UTRN: variants seen among roughly 807,000 people sequenced by gnomAD.
UTRN encodes the protein dystrophin-related protein 1.
UTRN carries 283 observed loss-of-function variants against 463.9 expected under a neutral mutation model. The observed-to-expected ratio is 0.61, with a 90% CI of 0.55 to 0.67. The LOEUF is 0.67. Among genes scored for constraint, UTRN ranks in the 30% least tolerant of loss-of-function variants. The pLI is 0.00. For missense variants in UTRN, 3,922 were observed against 4,084.3 expected (o/e 0.96, Z 1.08); for synonymous variants, 1,442 against 1,431.5 (o/e 1.01, Z -0.17).
At chr6:144,827,435 C>G in intron 67 of UTRN, 49 bp downstream of exon 67, 1 of 1,611,036 alleles carries the variant, frequency 6.2e-7, no homozygotes, top group Admixed American at 1.7e-5. Context: ...ATCAGTGGTA[C>G]TAGCATGGGG....
At position 144,438,863 on chromosome 6, in the gene UTRN, A is replaced by T; in HGVS notation, c.1360A>T (p.Lys454Ter). ...METCPLDDDV[K>*]SLQKLLEEHK... ...AACTTGCCCCCTGGATGATGATGTA[A>T]AATCTCTACAAAAGCTGCTAGAAGA... The change falls in exon 12 of 75, where the codon AAA (lysine) becomes TAA (stop). Residue 454 changes from lysine (K) to a stop codon, truncating the protein, a stop_gained. Transcript: ENST00000367545. LOFTEE classifies it high-confidence loss of function. 6.2e-7 allele frequency: 1 copy of T among 1,614,204 alleles called. No individual in the cohort carries two copies. Among genetic ancestry groups the T allele is most frequent in the Non-Finnish European group, 8.5e-7 (1 of 1,180,026 alleles).
At chr6:144,417,223 A>G (rs1374713709) in intron 3 of UTRN, among the ~76,000 whole-genome samples, 1 of 152,128 alleles carries the variant, frequency 6.6e-6, no homozygotes, top group Non-Finnish European at 1.5e-5. Context: ...CAGTGATTAA[A>G]TATTTTTTTC....
intron 3 of UTRN, among the ~76,000 whole-genome samples, chr6:144,403,836 G>A (rs1331855027): frequency 6.6e-6 from 1 of 152,166 alleles, no homozygotes; most frequent in Non-Finnish European, 1.5e-5. Flanking sequence ...ATTGGTGTTG[G>A]AATTTTGTGC....
intron 3 of UTRN, among the ~76,000 whole-genome samples, chr6:144,408,235 C>T (rs1030682081): frequency 2.6e-5 from 4 of 152,234 alleles, no homozygotes; most frequent in Admixed American, 1.3e-4. Context: ...TCATTAAGCC[C>T]GCGTTCTTCC....
chr6:144,345,988 G>A (rs971894528), intron 2 of UTRN, among the ~76,000 whole-genome samples: 1 of 151,964 alleles, frequency 6.6e-6, no homozygotes, highest in African/African-American at 2.4e-5. Flanking sequence ...GACCAGCCTG[G>A]CCAACATGGT....
At chr6:144,737,832 T>A (rs1473607824) in intron 54 of UTRN, among the ~76,000 whole-genome samples, 1 of 106,508 alleles carries the variant, frequency 9.4e-6, no homozygotes, top group Non-Finnish European at 1.8e-5. Flanking sequence ...TTGAACTGTT[T>A]TTTTTTTTTA....
At chr6:144,745,361 G>A (rs1417747039) in intron 54 of UTRN, among the ~76,000 whole-genome samples, 1 of 150,746 alleles carries the variant, frequency 6.6e-6, no homozygotes, top group Non-Finnish European at 1.5e-5. Context: ...TATTTCACAT[G>A]TCGCTTCTTC....
intron 54 of UTRN, among the ~76,000 whole-genome samples, chr6:144,742,141 T>A (rs1461629004): frequency 6.6e-6 from 1 of 152,216 alleles, no homozygotes; most frequent in Non-Finnish European, 1.5e-5. Flanking sequence ...GATGAATCTA[T>A]GCCATCTTTA....
chr6:144,450,902 G>A lies in UTRN; in HGVS notation c.2073-468G>A, dbSNP rs139801996. ...ACAGCACTTTGGGAGGCCAAGGCGG[G>A]CCGATCATGAGGTCAGCCTGGCCAA... On this transcript the variant is annotated intron_variant, in intron 17 of 74. Transcript: ENST00000367545. Among the ~76,000 whole-genome samples, 1,197 of 152,250 alleles carry A rather than the reference G, an allele frequency of 7.9e-3. 14 individuals are homozygous for A. Among genetic ancestry groups the A allele is most frequent in the Non-Finnish European group, 0.014 (959 of 68,012 alleles).
At chr6:144,344,233 C>T (rs1417288493) in intron 2 of UTRN, 18 of 1,304,004 alleles carry the variant, frequency 1.4e-5, no homozygotes, top group East Asian at 5.5e-5. Flanking sequence ...GCAGCCACCA[C>T]GTTTCATTGG....
chr6:144,828,002 T>C (rs1310495648), intron 68 of UTRN, among the ~76,000 whole-genome samples: 2 of 152,160 alleles, frequency 1.3e-5, no homozygotes, highest in Non-Finnish European at 2.9e-5. Context: ...TCTCAGGAGA[T>C]GGTGCACATG....
chr6:144,541,166 A>G (rs780609362), intron 45 of UTRN, among the ~76,000 whole-genome samples: 14 of 152,144 alleles, frequency 9.2e-5, no homozygotes, highest in East Asian at 1.9e-4. Flanking sequence ...AAGTCCACCA[A>G]TGGTTTTCTA....
intron 18 of UTRN, among the ~76,000 whole-genome samples, chr6:144,453,312 G>A (rs1195606035): frequency 6.6e-6 from 1 of 151,988 alleles, no homozygotes; most frequent in Non-Finnish European, 1.5e-5. Context: ...TAGTAGAGTT[G>A]GGGTTTCACC....
At chr6:144,480,195 T>TGAGCCCATGAGGGCCCATGAGAC (rs1791703447) in intron 26 of UTRN, among the ~76,000 whole-genome samples, 1 of 152,168 alleles carries the variant, frequency 6.6e-6, no homozygotes, top group Non-Finnish European at 1.5e-5. Context: ...GCCCATGAGT[T>TGAGCCCATGAGGGCCCATGAGAC]GAGTCCATGA....
chr6:144,477,602 G>A (rs1791368307), intron 25 of UTRN, among the ~76,000 whole-genome samples: 1 of 151,148 alleles, frequency 6.6e-6, no homozygotes, highest in Non-Finnish European at 1.5e-5. Flanking sequence ...ACAGTAAGTT[G>A]AAAACATCAT....
chr6:144,508,457 G>T (rs901021673), intron 34 of UTRN, among the ~76,000 whole-genome samples: 2 of 152,134 alleles, frequency 1.3e-5, no homozygotes, highest in African/African-American at 4.8e-5. Context: ...GGATAGCACC[G>T]TACCTCACGG....
intron 51 of UTRN, among the ~76,000 whole-genome samples, chr6:144,589,000 G>C (rs976791394): frequency 3.9e-5 from 6 of 152,128 alleles, no homozygotes; most frequent in African/African-American, 1.4e-4. Context: ...CTTCTAGTTT[G>C]TTCAGTTCTG....
At chr6:144,287,264 T>G (rs1803779209) in intron 1 of UTRN, among the ~76,000 whole-genome samples, 1 of 152,180 alleles carries the variant, frequency 6.6e-6, no homozygotes, top group Non-Finnish European at 1.5e-5. Context: ...ATGGGACCGA[T>G]GAGACAACTC....
chr6:144,469,404 T>G (rs1157538214), intron 23 of UTRN, among the ~76,000 whole-genome samples: 1 of 152,236 alleles, frequency 6.6e-6, no homozygotes, highest in African/African-American at 2.4e-5. Flanking sequence ...TCTCTGTTTT[T>G]CAGAACAACC....
Sources: gnomAD v4.1 joint callset for allele counts (sites outside exome capture counted in the v4.1 genomes callset) on GRCh38, gnomAD v4.1.1 for gene constraint, MANE v1.5 for transcripts, NCBI Gene and HGNC (gene_info 2026-07-23, HGNC 2026-07-21) for gene names.